PLA2G6: variants seen among roughly 807,000 people sequenced by gnomAD.
PLA2G6 encodes the protein 85/88 kDa calcium-independent phospholipase A2.
In PLA2G6, 62 loss-of-function variants were observed where a neutral mutation model predicts 83.8. That is an observed-to-expected ratio of 0.74 (90% CI 0.60 to 0.91). PLA2G6 has a LOEUF of 0.91. Among genes scored for constraint, PLA2G6 ranks in the 40% least tolerant of loss-of-function variants. PLA2G6 has a pLI of 0.00. For missense variants in PLA2G6, 944 were observed against 1,102.0 expected, an observed-to-expected ratio of 0.86 and a Z score of 2.03; for synonymous variants, 417 against 449.8, an observed-to-expected ratio of 0.93 and a Z score of 0.92.
chr22:38,153,179 C>T (rs906827200), intron 2 of PLA2G6, among the ~76,000 whole-genome samples: 2 of 152,216 alleles, frequency 1.3e-5, no homozygotes, highest in Non-Finnish European at 2.9e-5. Flanking sequence ...TGCCTGTAAT[C>T]CCAGCACTTT....
At chr22:38,175,134 G>A (rs2090585731) in intron 1 of PLA2G6, among the ~76,000 whole-genome samples, 1 of 152,124 alleles carries the variant, frequency 6.6e-6, no homozygotes, top group Admixed American at 6.5e-5. Context: ...CTCCCCTTTG[G>A]AAGGTCTGTG....
Position 38,143,052 on chromosome 22 carries a change from C to T in PLA2G6, c.609+53G>A, listed in dbSNP as rs11089868. 23,705 of 1,553,338 alleles carry T rather than the reference C, an allele frequency of 0.015. 2,670 individuals are homozygous for T. The African/African-American group carries it at 0.26, about 17-fold the overall frequency. The stretch of plus-strand genomic sequence containing the variant: ...CTGAGCCTAGGGGCCCAAAGGGAAC[C>T]GTGGACACCGGGAGGTATCAGTACC... On this transcript the variant is annotated intron_variant, in intron 4 of 16. Transcript: ENST00000332509.
chr22:38,179,385 A>G (rs950204381), intron 1 of PLA2G6, among the ~76,000 whole-genome samples: 2 of 152,218 alleles, frequency 1.3e-5, no homozygotes, highest in Non-Finnish European at 1.5e-5. Flanking sequence ...CTGAATGAAC[A>G]ATACTCCTAT....
chr22:38,118,755 T>G (rs1265374851), intron 12 of PLA2G6, among the ~76,000 whole-genome samples: 1 of 70,080 alleles, frequency 1.4e-5, no homozygotes, highest in Admixed American at 1.8e-4. Context: ...TTGTTTTTGT[T>G]TTTTTTTTTT....
Position 38,143,267 on chromosome 22 carries a change from G to A in PLA2G6, c.447C>T (p.Asn149=), listed in dbSNP as rs368631309. 6.5e-5 allele frequency: 105 copies of A among 1,613,068 alleles called. 1 individual carries two copies. Among genetic ancestry groups the A allele is most frequent in the Admixed American group, 4.7e-4 (28 of 60,018 alleles). ...GGTGCAGGGGTGTGCAGCCCTCCTC[G>A]TTCTCCGCGCAATTGGCACAGCTGC... ...RIISCANCAE[N]EEGCTPLHLA... The change falls in exon 4 of 17, where the codon AAC becomes AAT. Residue 149 remains asparagine, a synonymous_variant. Coordinates refer to ENST00000332509, the MANE Select transcript of PLA2G6 (RefSeq NM_003560.4).
At chr22:38,160,444 CTG>C (rs1491036023) in intron 2 of PLA2G6, among the ~76,000 whole-genome samples, 4 of 151,814 alleles carry the variant, frequency 2.6e-5, no homozygotes, top group African/African-American at 9.7e-5. Context: ...GAATGAGTAA[CTG>C]TGATATAGTA....
intron 12 of PLA2G6, 86 bp downstream of exon 12, chr22:38,120,673 C>A: frequency 6.6e-7 from 1 of 1,519,980 alleles, no homozygotes; most frequent in Admixed American, 1.7e-5. Flanking sequence ...TTCCCCCTCC[C>A]TCAGCAGGAC....
intron 2 of PLA2G6, chr22:38,146,447 G>T (rs991236396): frequency 9.2e-5 from 14 of 151,930 alleles, no homozygotes; most frequent in African/African-American, 3.1e-4. Context: ...GCCTCCAAAA[G>T]TACTGGGATT....
chr22:38,117,984 C>T (rs1456825140), intron 12 of PLA2G6, among the ~76,000 whole-genome samples: 3 of 149,680 alleles, frequency 2.0e-5, no homozygotes, highest in Non-Finnish European at 4.4e-5. Flanking sequence ...TGCAGTGAGC[C>T]GAGATCGCGC....
chr22:38,128,560 C>T lies in PLA2G6; in HGVS notation c.1187-130G>A. On this transcript the variant is annotated intron_variant, in intron 8 of 16. Transcript: ENST00000332509. The surrounding 1 kb of genome is among the most constrained non-coding windows in gnomAD (Gnocchi z 4.4). ...CAGGCCCTGGGCACGTGGGCTGCTC[C>T]AGAGGCCTCAGCCCACCCTGACAGG... is the stretch of plus-strand genomic sequence containing the variant. 5 of 953,732 alleles carry T rather than the reference C, an allele frequency of 5.2e-6. No homozygotes were observed. The highest frequency in any genetic ancestry group is 6.4e-6 in the Non-Finnish European group (4 of 626,304). 59.1% of individuals were successfully genotyped at this position (953,732 alleles called of 1,614,324 possible).
chr22:38,157,332 T>C (rs2089824518), intron 2 of PLA2G6, among the ~76,000 whole-genome samples: 1 of 152,194 alleles, frequency 6.6e-6, no homozygotes. Context: ...TGAACAATTA[T>C]ATGCCAATAA....
intron 2 of PLA2G6, 172 bp from the exon 3 acceptor site, chr22:38,145,825 A>ACACG (rs2089223570): frequency 1.5e-6 from 1 of 645,764 alleles, no homozygotes; most frequent in Admixed American, 2.1e-5. Context: ...ACACACACAC[A>ACACG]CACACACACC....
intron 8 of PLA2G6, 93 bp downstream of exon 8, chr22:38,129,361 G>T: frequency 2.3e-6 from 2 of 883,910 alleles, no homozygotes; most frequent in Non-Finnish European, 3.8e-6. Flanking sequence ...AGCACAGGAT[G>T]CTGGCACCTG....
At chr22:38,120,719 G>A in intron 12 of PLA2G6, 40 bp downstream of exon 12, 1 of 1,611,174 alleles carries the variant, frequency 6.2e-7, no homozygotes, top group Non-Finnish European at 8.5e-7. Context: ...AGCCACAGTG[G>A]GCACAGCTGC....
At chr22:38,153,008 G>A (rs1164911882) in intron 2 of PLA2G6, among the ~76,000 whole-genome samples, 1 of 152,216 alleles carries the variant, frequency 6.6e-6, no homozygotes, top group East Asian at 1.9e-4. Flanking sequence ...CCCAGGGATG[G>A]GGTGGGTGCC....
chr22:38,127,603 C>T (rs932584488), intron 9 of PLA2G6: 16 of 486,924 alleles, frequency 3.3e-5, no homozygotes, highest in African/African-American at 1.8e-4. Context: ...AAGGTGCTGC[C>T]GCCTCCACAG....
chr22:38,176,744 CAG>C (rs1238482581), intron 1 of PLA2G6, among the ~76,000 whole-genome samples: 1 of 152,138 alleles, frequency 6.6e-6, no homozygotes, highest in Non-Finnish European at 1.5e-5. Context: ...CACAAAGAAA[CAG>C]GGAAGGCGCA....
At chr22:38,127,051 G>C in intron 9 of PLA2G6, 1 of 1,100,936 alleles carries the variant, frequency 9.1e-7, no homozygotes, top group Non-Finnish European at 1.1e-6. Flanking sequence ...TGTGTCCAAG[G>C]CCTGCCTGAC....
chr22:38,113,693 C>T, intron 14 of PLA2G6, 39 bp from the exon 15 acceptor site: 2 of 1,602,808 alleles, frequency 1.2e-6, no homozygotes, highest in East Asian at 2.2e-5. Flanking sequence ...AAGAGACCTT[C>T]CACAGGTAGG....
Sources: gnomAD v4.1 joint callset for allele counts (sites outside exome capture counted in the v4.1 genomes callset) on GRCh38, gnomAD v4.1.1 for gene constraint, Gnocchi (gnomAD v3.1) non-coding constraint, MANE v1.5 for transcripts, NCBI Gene and HGNC (gene_info 2026-07-23, HGNC 2026-07-21) for gene names.